The following ITSN2 variants were observed in gnomAD, a reference collection of about 807,000 sequenced individuals.
ITSN2 encodes the protein intersectin 2.
A neutral mutation model predicts 243.7 loss-of-function variants in ITSN2; 156 were observed. The ratio of observed to expected loss-of-function variants is 0.64; its 90% CI spans 0.56 to 0.73. ITSN2 has a LOEUF of 0.73. Ranked by LOEUF, ITSN2 falls within the 30% of genes least tolerant of loss-of-function variation. ITSN2 has a pLI of 0.00. For synonymous variants in ITSN2, 703 were observed against 699.9 expected (o/e 1.00, Z -0.07); for missense variants, 1,801 against 1,996.1 (o/e 0.90, Z 1.86).
intron 17 of ITSN2, among the ~76,000 whole-genome samples, chr2:24,276,734 C>T (rs1678059302): frequency 6.6e-6 from 1 of 152,190 alleles, no homozygotes; most frequent in Admixed American, 6.5e-5. Context: ...CTGACCTAAA[C>T]AATCACAGCA....
intron 15 of ITSN2, among the ~76,000 whole-genome samples, chr2:24,288,223 C>G (rs538095799): frequency 6.6e-6 from 1 of 152,120 alleles, no homozygotes; most frequent in African/African-American, 2.4e-5. Context: ...CAATTTCATT[C>G]TTTTGCAGGT....
rs759389573 is a variant in ITSN2, at chr2:24,248,886, C to G, written c.3121-4G>C. On this transcript the variant is annotated splice_region_variant and splice_polypyrimidine_tract_variant and intron_variant, in intron 25 of 39. Transcript: ENST00000355123. ...ACTTGCTAGCACTCCCAAAACTCTA[C>G]AAGGAAAAGATACCGTGTTGTTTTA... is the stretch of plus-strand genomic sequence containing the variant. 6.2e-7 allele frequency: 1 copy of G among 1,613,108 alleles called. No homozygotes were observed. The highest frequency in any genetic ancestry group is 1.1e-5 in the South Asian group (1 of 91,048).
chr2:24,236,440 C>G (rs775534081), intron 29 of ITSN2, among the ~76,000 whole-genome samples: 2 of 152,152 alleles, frequency 1.3e-5, no homozygotes, highest in Non-Finnish European at 2.9e-5. Context: ...AATGGTTGGA[C>G]AACTTTGTTA....
At chr2:24,332,848 T>A (rs1488178128) in intron 1 of ITSN2, among the ~76,000 whole-genome samples, 1 of 152,210 alleles carries the variant, frequency 6.6e-6, no homozygotes, top group Non-Finnish European at 1.5e-5. Flanking sequence ...ACATTTACTG[T>A]TTACCATTAA....
chr2:24,302,303 A>G (rs1681877406), intron 9 of ITSN2, among the ~76,000 whole-genome samples: 1 of 151,924 alleles, frequency 6.6e-6, no homozygotes, highest in Non-Finnish European at 1.5e-5. Flanking sequence ...GGTTCACGCC[A>G]TTCTCCTGCC....
At position 24,251,328 on chromosome 2, in the gene ITSN2, A is replaced by AAAAATAAAAAAAAAAAT. The variant is rs1358585681; in HGVS notation, c.3120+1016_3120+1017insATTTTTTTTTTTATTTT. 3.0e-3 allele frequency among the ~76,000 whole-genome samples: 21 copies of AAAAATAAAAAAAAAAAT among 6,988 alleles called. 5 individuals carry two copies. The highest frequency in any genetic ancestry group is 8.6e-3 in the African/African-American group (19 of 2,208). The allele number at this position is 6,988 out of a possible 152,430, so 4.6% of individuals were successfully genotyped here. A position where few individuals can be genotyped will look rare whatever the true frequency, so the allele number is the denominator to read the frequency against. ...CCATCTCAAAAAAAAAAAAAAATAA[A>AAAAATAAAAAAAAAAAT]ATATATATATATATATATATGTGTG... is the stretch of plus-strand genomic sequence containing the variant. On this transcript the variant is annotated intron_variant, in intron 25 of 39. Coordinates refer to ENST00000355123, the MANE Select transcript of ITSN2 (RefSeq NM_006277.3).
intron 1 of ITSN2, among the ~76,000 whole-genome samples, chr2:24,333,123 GC>G (rs1343786759): frequency 6.6e-6 from 1 of 152,212 alleles, no homozygotes; most frequent in Non-Finnish European, 1.5e-5. Context: ...ATGTCATGAA[GC>G]CAGAATGCAA....
At chr2:24,233,825 C>T (rs1257325734) in intron 29 of ITSN2, among the ~76,000 whole-genome samples, 1 of 152,088 alleles carries the variant, frequency 6.6e-6, no homozygotes, top group African/African-American at 2.4e-5. Flanking sequence ...AGCAATCCTC[C>T]CACTATACTT....
At chr2:24,282,893 T>C (rs1678977656) in intron 17 of ITSN2, among the ~76,000 whole-genome samples, 1 of 152,168 alleles carries the variant, frequency 6.6e-6, no homozygotes, top group Non-Finnish European at 1.5e-5. Flanking sequence ...TGCTCTCCAT[T>C]CCATCTTAAT....
chr2:24,275,897 C>A (rs369463950), intron 17 of ITSN2, 48 bp from the exon 18 acceptor site: 6 of 1,389,724 alleles, frequency 4.3e-6, no homozygotes, highest in Non-Finnish European at 5.9e-6. Context: ...TTTAAATATG[C>A]TTGTCATATG....
At chr2:24,305,283 A>G (rs950991780) in intron 8 of ITSN2, among the ~76,000 whole-genome samples, 1 of 151,994 alleles carries the variant, frequency 6.6e-6, no homozygotes, top group Admixed American at 6.6e-5. Context: ...GTTTAGGGGG[A>G]GGAGAAGAGA....
intron 2 of ITSN2, among the ~76,000 whole-genome samples, chr2:24,326,449 A>C (rs1685166755): frequency 6.6e-6 from 1 of 152,228 alleles, no homozygotes; most frequent in East Asian, 1.9e-4. Flanking sequence ...TGTTGGCTGA[A>C]GTTTACAATT....
chr2:24,233,129 T>C (rs1285630149), intron 29 of ITSN2, among the ~76,000 whole-genome samples: 1 of 152,222 alleles, frequency 6.6e-6, no homozygotes, highest in Non-Finnish European at 1.5e-5. Flanking sequence ...ATTACTACAG[T>C]TCTGTCCTTG....
chr2:24,258,299 C>G (rs976337827), intron 22 of ITSN2, among the ~76,000 whole-genome samples: 1 of 152,116 alleles, frequency 6.6e-6, no homozygotes, highest in African/African-American at 2.4e-5. Context: ...ACTGAAAACC[C>G]ACCATTCAAA....
chr2:24,280,876 T>A (rs948053351), intron 17 of ITSN2, among the ~76,000 whole-genome samples: 2 of 152,244 alleles, frequency 1.3e-5, no homozygotes, highest in East Asian at 1.9e-4. Context: ...AATGACCTTT[T>A]TAACTCTACT....
chr2:24,235,321 G>A (rs1040676311), intron 29 of ITSN2, among the ~76,000 whole-genome samples: 1 of 152,178 alleles, frequency 6.6e-6, no homozygotes, highest in African/African-American at 2.4e-5. Flanking sequence ...GGTTGCCAGG[G>A]GATGGGAGGG....
chr2:24,277,929 CG>C (rs929089176), intron 17 of ITSN2, among the ~76,000 whole-genome samples: 2 of 152,074 alleles, frequency 1.3e-5, no homozygotes, highest in African/African-American at 4.8e-5. Context: ...TGTCCTGGGC[CG>C]CATGTGGCCT....
At chr2:24,345,786 C>T (rs1687470957) in intron 1 of ITSN2, among the ~76,000 whole-genome samples, 1 of 152,038 alleles carries the variant, frequency 6.6e-6, no homozygotes, top group Non-Finnish European at 1.5e-5. Context: ...TTTAATCTAG[C>T]TTGTTTGTCT....
intron 2 of ITSN2, among the ~76,000 whole-genome samples, chr2:24,316,230 A>C (rs754157375): frequency 2.6e-5 from 4 of 152,090 alleles, no homozygotes; most frequent in Non-Finnish European, 5.9e-5. Flanking sequence ...GCCTGACCCC[A>C]TACCCTGGAA....
Sources: gnomAD v4.1 joint callset for allele counts (sites outside exome capture counted in the v4.1 genomes callset) on GRCh38, gnomAD v4.1.1 for gene constraint, MANE v1.5 for transcripts, NCBI Gene and HGNC (gene_info 2026-07-23, HGNC 2026-07-21) for gene names.